Variants in B4GALT6 observed in about 807,000 individuals in gnomAD.
B4GALT6 encodes the protein UDP-Gal:beta-GlcNAc beta-1,4-galactosyltransferase 6.
B4GALT6 carries 14 observed loss-of-function variants against 46.3 expected under a neutral mutation model. The ratio of observed to expected loss-of-function variants is 0.30; its 90% CI spans 0.20 to 0.47. The LOEUF is 0.47. B4GALT6 is among the 20% of genes least tolerant of loss of function. The pLI, the probability that B4GALT6 is intolerant of heterozygous loss-of-function variation, is 0.99. For missense variants in B4GALT6, 386 were observed against 480.1 expected (o/e 0.80, Z 1.83); for synonymous variants, 168 against 162.0 (o/e 1.04, Z -0.28).
At chr18:31,672,137 T>A (rs909140511) in intron 1 of B4GALT6, among the ~76,000 whole-genome samples, 1 of 152,218 alleles carries the variant, frequency 6.6e-6, no homozygotes, top group African/African-American at 2.4e-5. Context: ...CCTGCAGGGA[T>A]CTAGAACTGT....
At position 31,624,523 on chromosome 18, in the gene B4GALT6, GTATT is replaced by G. The variant is rs1374026396; in HGVS notation, c.*1087_*1090del. 1.3e-5 allele frequency: 2 copies of G among 151,788 alleles called. No individual in the cohort carries two copies. Among genetic ancestry groups the G allele is most frequent in the Non-Finnish European group, 2.9e-5 (2 of 67,880 alleles). The allele number at this position is 151,788 out of a possible 1,614,324, so 9.4% of individuals were successfully genotyped here. On this transcript the variant is annotated 3_prime_UTR_variant, in exon 9 of 9. Coordinates refer to ENST00000306851, the MANE Select transcript of B4GALT6 (RefSeq NM_004775.5). ...CTTAAAATTTGTTTTTATCTACTAAGTATTTATCTTTATAAAAATAGAATATTTA... is the reference window on the plus strand; with the variant it reads ...CTTAAAATTTGTTTTTATCTACTAAGTATCTTTATAAAAATAGAATATTTA...
chr18:31,682,407 CTTA>C (rs1598937171), intron 1 of B4GALT6, among the ~76,000 whole-genome samples: 1 of 152,134 alleles, frequency 6.6e-6, no homozygotes, highest in Non-Finnish European at 1.5e-5. Context: ...GTTTTAATAA[CTTA>C]TTATCATTTA....
chr18:31,684,319 TG>T lies in B4GALT6; in HGVS notation c.107del (p.Pro36GlnfsTer16). ...GTGTGTCTCGGTGCTTACCGATGCC[TG>T]GGGCCACATAGATGAAGTACAGACA... ...SSCLYFIYVA[P>X]GIANTYLFMV... On this transcript the variant is annotated frameshift_variant, in exon 1 of 9. Coordinates refer to ENST00000306851, the MANE Select transcript of B4GALT6 (RefSeq NM_004775.5). LOFTEE classifies it high-confidence loss of function. 6.2e-7 allele frequency: 1 copy of T among 1,613,144 alleles called. No homozygotes were observed. Among genetic ancestry groups the T allele is most frequent in the Non-Finnish European group, 8.5e-7 (1 of 1,179,614 alleles).
the B4GALT6 span, among the ~76,000 whole-genome samples, chr18:31,710,814 C>CCCCACACACACACACA: frequency 2.1e-5 from 3 of 140,124 alleles, no homozygotes; most frequent in Non-Finnish European, 3.1e-5. Context: ...CCTGAATACA[C>CCCCACACACACACACA]CACACACACA....
chr18:31,631,198 A>ATTT, intron 5 of B4GALT6, 52 bp from the exon 6 acceptor site: 2 of 1,221,910 alleles, frequency 1.6e-6, no homozygotes, highest in Non-Finnish European at 2.1e-6. Context: ...ACACTTCATC[A>ATTT]TCTTTTTTTT....
At chr18:31,681,417 G>C (rs749525800) in intron 1 of B4GALT6, among the ~76,000 whole-genome samples, 27 of 152,154 alleles carry the variant, frequency 1.8e-4, no homozygotes, top group Non-Finnish European at 2.8e-4. Flanking sequence ...TGGTGATGGG[G>C]CAGGTGTCTG....
chr18:31,630,822 G>A, intron 6 of B4GALT6, 137 bp downstream of exon 6: 1 of 909,664 alleles, frequency 1.1e-6, no homozygotes, highest in Non-Finnish European at 1.7e-6. Context: ...CTCCCCAGGA[G>A]GACACGATGG....
In B4GALT6 at chr18:31,624,175, G is replaced by C. The variant is rs1355015456; in HGVS notation, c.*1439C>G. ...TATGAAGATAACTGGACAAAGCCCT[G>C]ACACTCATGCAAACATGTAAGATAT... On this transcript the variant is annotated 3_prime_UTR_variant, in exon 9 of 9. Coordinates refer to ENST00000306851, the MANE Select transcript of B4GALT6 (RefSeq NM_004775.5). 6.6e-6 allele frequency: 1 copy of C among 151,910 alleles called. No individual in the cohort carries two copies. Among genetic ancestry groups the C allele is most frequent in the African/African-American group, 2.4e-5 (1 of 41,410 alleles). 9.4% of individuals were successfully genotyped at this position (151,910 alleles called of 1,614,324 possible).
chr18:31,721,191 TG>T, the B4GALT6 span, among the ~76,000 whole-genome samples: 12 of 38,234 alleles, frequency 3.1e-4, no homozygotes, highest in African/African-American at 1.0e-3. Flanking sequence ...TGTCGGGGGG[TG>T]GGGGGCTGGG....
intron 1 of B4GALT6, 95 bp from the exon 2 acceptor site, chr18:31,666,467 C>T (rs2074284075): frequency 2.1e-6 from 1 of 475,508 alleles, no homozygotes; most frequent in African/African-American, 2.0e-5. Context: ...GCCCAATAAA[C>T]ATAAACTGAC....
intron 1 of B4GALT6, among the ~76,000 whole-genome samples, chr18:31,674,992 T>G (rs1324748569): frequency 6.6e-6 from 1 of 152,260 alleles, no homozygotes; most frequent in Non-Finnish European, 1.5e-5. Context: ...TTTCAAGTTA[T>G]AAGCTGACAG....
At chr18:31,698,939 C>T in the B4GALT6 span, among the ~76,000 whole-genome samples, 7 of 151,726 alleles carry the variant, frequency 4.6e-5, no homozygotes, top group East Asian at 2.0e-4. Context: ...GTGTGGTGCA[C>T]GCCTGTGGTG....
intron 1 of B4GALT6, 42 bp from the exon 2 acceptor site, chr18:31,666,414 G>A: frequency 3.1e-6 from 3 of 959,620 alleles, no homozygotes; most frequent in Non-Finnish European, 4.7e-6. Flanking sequence ...AACACAGTAA[G>A]CTTTTTTTTA....
At chr18:31,707,231 C>CT in the B4GALT6 span, among the ~76,000 whole-genome samples, 4,062 of 140,032 alleles carry the variant, frequency 0.029, 54 homozygotes, top group Middle Eastern at 0.07. Context: ...TCTTTTCTTT[C>CT]TTTTTTTTTT....
At chr18:31,706,827 C>T in the B4GALT6 span, among the ~76,000 whole-genome samples, 2 of 152,134 alleles carry the variant, frequency 1.3e-5, no homozygotes, top group African/African-American at 4.8e-5. Context: ...ATAGCAGTGT[C>T]ATAAAGATAA....
intron 1 of B4GALT6, among the ~76,000 whole-genome samples, chr18:31,678,300 T>C (rs2074438321): frequency 6.6e-6 from 1 of 152,172 alleles, no homozygotes; most frequent in African/African-American, 2.4e-5. Context: ...ATTTCACTGA[T>C]TGCAGGTCAG....
chr18:31,688,261 A>ACATATATATATATATACG (rs2029996908), upstream of B4GALT6, among the ~76,000 whole-genome samples: 1 of 146,822 alleles, frequency 6.8e-6, no homozygotes, highest in Non-Finnish European at 1.5e-5. Context: ...ATATATATAC[A>ACATATATATATATATACG]TATATATATA....
the B4GALT6 span, chr18:31,724,262 C>G: frequency 5.2e-6 from 2 of 381,550 alleles, no homozygotes; most frequent in Admixed American, 6.6e-5. Context: ...CAGCGCTTGT[C>G]TTGTCCCGGC....
chr18:31,670,711 C>T (rs952375091), intron 1 of B4GALT6, among the ~76,000 whole-genome samples: 1 of 152,172 alleles, frequency 6.6e-6, no homozygotes, highest in Non-Finnish European at 1.5e-5. Flanking sequence ...ACTATGTTAA[C>T]CCAAATCCAA....
Sources: gnomAD v4.1 joint callset for allele counts (sites outside exome capture counted in the v4.1 genomes callset) on GRCh38, gnomAD v4.1.1 for gene constraint, MANE v1.5 for transcripts, NCBI Gene and HGNC (gene_info 2026-07-23, HGNC 2026-07-21) for gene names.